The following NALF1 variants were observed in gnomAD, a reference collection of about 807,000 sequenced individuals.
The protein encoded by NALF1 is family with sequence similarity 155 member A.
In NALF1, 3 loss-of-function variants were observed where a neutral mutation model predicts 48.4. The observed-to-expected ratio is 0.06, with a 90% CI of 0.03 to 0.16. The LOEUF (loss-of-function observed/expected upper bound fraction) is 0.16, where lower values mean the gene tolerates loss of function less well. NALF1 is among the 10% of genes least tolerant of loss of function. NALF1 has a pLI of 1.00. For missense variants in NALF1, 526 were observed against 571.5 expected (o/e 0.92, Z 0.81); for synonymous variants, 262 against 245.7 (o/e 1.07, Z -0.62).
chr13:107,863,906 T>C (rs1424776953), intron 1 of NALF1, among the ~76,000 whole-genome samples: 1 of 152,214 alleles, frequency 6.6e-6, no homozygotes, highest in African/African-American at 2.4e-5. Context: ...TTTTAAATAC[T>C]GAGTTATACA....
chr13:107,688,733 C>T (rs1881498118), intron 1 of NALF1, among the ~76,000 whole-genome samples: 1 of 152,148 alleles, frequency 6.6e-6, no homozygotes, highest in Non-Finnish European at 1.5e-5. Context: ...CGAAGCAGTC[C>T]TACCTCCAAA....
At chr13:107,212,119 C>G (rs1879774890) in intron 1 of NALF1, among the ~76,000 whole-genome samples, 1 of 152,120 alleles carries the variant, frequency 6.6e-6, no homozygotes, top group African/African-American at 2.4e-5. Context: ...GCCTTCCATG[C>G]CCCGGGTCAA....
At chr13:107,662,252 C>T (rs1037330890) in intron 1 of NALF1, among the ~76,000 whole-genome samples, 5 of 152,136 alleles carry the variant, frequency 3.3e-5, no homozygotes, top group Non-Finnish European at 1.5e-5. Flanking sequence ...CTAGAGGTCC[C>T]GGGGTCACAG....
intron 1 of NALF1, among the ~76,000 whole-genome samples, chr13:107,374,206 T>A (rs923163159): frequency 6.6e-6 from 1 of 152,180 alleles, no homozygotes; most frequent in Non-Finnish European, 1.5e-5. Flanking sequence ...CCTGGACCAG[T>A]CACCATCCCA....
chr13:107,299,871 C>T (rs1324890321), intron 1 of NALF1, among the ~76,000 whole-genome samples: 1 of 152,124 alleles, frequency 6.6e-6, no homozygotes, highest in Non-Finnish European at 1.5e-5. Flanking sequence ...CACACCCGTT[C>T]CTGTTTGAAC....
chr13:107,549,121 A>C (rs1242388891), intron 1 of NALF1, among the ~76,000 whole-genome samples: 1 of 152,182 alleles, frequency 6.6e-6, no homozygotes, highest in African/African-American at 2.4e-5. Flanking sequence ...TCTTTTGCCA[A>C]TAACAGTGAT....
At chr13:107,859,131 G>A (rs981829477) in intron 1 of NALF1, among the ~76,000 whole-genome samples, 4 of 152,272 alleles carry the variant, frequency 2.6e-5, no homozygotes, top group South Asian at 2.1e-4. Flanking sequence ...AGGACCCAGC[G>A]ATGGAAAGAA....
At chr13:107,766,738 T>A (rs1327383040) in intron 1 of NALF1, among the ~76,000 whole-genome samples, 1 of 152,142 alleles carries the variant, frequency 6.6e-6, no homozygotes, top group African/African-American at 2.4e-5. Context: ...TAAAACAAAT[T>A]CAAAGCAAGA....
chr13:107,423,558 GA>G (rs1041800314), intron 1 of NALF1, among the ~76,000 whole-genome samples: 1 of 151,278 alleles, frequency 6.6e-6, no homozygotes, highest in Admixed American at 6.6e-5. Flanking sequence ...TCAAAAAGAG[GA>G]AAAAAAACTC....
chr13:107,377,838 T>G (rs1395676428), intron 1 of NALF1, among the ~76,000 whole-genome samples: 1 of 152,196 alleles, frequency 6.6e-6, no homozygotes, highest in East Asian at 1.9e-4. Flanking sequence ...TTGTACTACA[T>G]TTTTTAATAA....
intron 1 of NALF1, among the ~76,000 whole-genome samples, chr13:107,323,294 C>T (rs767250664): frequency 2.4e-4 from 37 of 152,154 alleles, no homozygotes; most frequent in Non-Finnish European, 4.3e-4. Flanking sequence ...ATAGTTCTAA[C>T]AGCTCCACTC....
intron 1 of NALF1, among the ~76,000 whole-genome samples, chr13:107,642,908 A>G (rs938625234): frequency 6.6e-6 from 1 of 152,184 alleles, no homozygotes; most frequent in Admixed American, 6.5e-5. Context: ...TTTCAGGAAA[A>G]GGAGCTGATG....
intron 1 of NALF1, among the ~76,000 whole-genome samples, chr13:107,607,246 T>A (rs936786532): frequency 3.3e-5 from 5 of 152,154 alleles, no homozygotes; most frequent in African/African-American, 9.7e-5. Context: ...GAGTACTGCA[T>A]AGTAAAACAT....
intron 1 of NALF1, among the ~76,000 whole-genome samples, chr13:107,739,911 C>T (rs1466733968): frequency 1.3e-5 from 2 of 152,150 alleles, no homozygotes; most frequent in Non-Finnish European, 2.9e-5. Context: ...AATCTAATGC[C>T]TGATGATCTA....
chr13:107,827,261 A>T (rs1056893895), intron 1 of NALF1, among the ~76,000 whole-genome samples: 6 of 152,222 alleles, frequency 3.9e-5, no homozygotes, highest in Non-Finnish European at 8.8e-5. Context: ...TCTTAAGCTG[A>T]TACTCCTTGT....
At chr13:107,179,083 C>T (rs924551938) in intron 2 of NALF1, among the ~76,000 whole-genome samples, 3 of 152,142 alleles carry the variant, frequency 2.0e-5, no homozygotes, top group African/African-American at 4.8e-5. Flanking sequence ...TGGCACTATT[C>T]GCAATAGCCA....
chr13:107,259,205 G>A (rs1295012514), intron 1 of NALF1, among the ~76,000 whole-genome samples: 2 of 152,016 alleles, frequency 1.3e-5, no homozygotes, highest in African/African-American at 4.8e-5. Context: ...TAAACTTTTT[G>A]ATGTAAAGTC....
intron 1 of NALF1, among the ~76,000 whole-genome samples, chr13:107,471,479 A>G (rs1184021477): frequency 6.6e-6 from 1 of 150,516 alleles, no homozygotes; most frequent in Non-Finnish European, 1.5e-5. Context: ...CAATTACAGC[A>G]CAGTTTCTGC....
intron 1 of NALF1, among the ~76,000 whole-genome samples, chr13:107,428,402 G>T (rs755651410): frequency 6.6e-6 from 1 of 152,182 alleles, no homozygotes; most frequent in African/African-American, 2.4e-5. Flanking sequence ...GCTGCCTTCT[G>T]TATGGGAAAT....
Sources: gnomAD v4.1 joint callset for allele counts (sites outside exome capture counted in the v4.1 genomes callset) on GRCh38, gnomAD v4.1.1 for gene constraint, MANE v1.5 for transcripts, NCBI Gene and HGNC (gene_info 2026-07-23, HGNC 2026-07-21) for gene names.